Variants in NLGN1 observed in about 807,000 individuals in gnomAD.
The protein encoded by NLGN1 is neuroligin 1, also known as neuroligin-1.
NLGN1 carries 12 observed loss-of-function variants against 65.5 expected under a neutral mutation model. That is an observed-to-expected ratio of 0.18 (90% CI 0.12 to 0.30). The LOEUF is 0.30. Among genes scored for constraint, NLGN1 ranks in the 10% least tolerant of loss-of-function variants. The pLI, the probability that NLGN1 is intolerant of heterozygous loss-of-function variation, is 1.00. For missense variants in NLGN1, 750 were observed against 1,007.1 expected, an observed-to-expected ratio of 0.74 and a Z score of 3.46; for synonymous variants, 350 against 359.5, an observed-to-expected ratio of 0.97 and a Z score of 0.30.
At chr3:173,519,718 T>A (rs1358487504) in intron 2 of NLGN1, among the ~76,000 whole-genome samples, 3 of 152,208 alleles carry the variant, frequency 2.0e-5, no homozygotes, top group Admixed American at 6.5e-5. Flanking sequence ...TTTTTTTTTT[T>A]TTTATTTTAC....
intron 3 of NLGN1, among the ~76,000 whole-genome samples, chr3:173,757,197 A>C (rs1002182638): frequency 3.9e-5 from 6 of 152,036 alleles, no homozygotes; most frequent in South Asian, 2.1e-4. Context: ...TGATGAATGA[A>C]ACCATTGGAT....
intron 3 of NLGN1, among the ~76,000 whole-genome samples, chr3:173,764,147 C>T (rs1778410116): frequency 6.6e-6 from 1 of 152,154 alleles, no homozygotes; most frequent in Non-Finnish European, 1.5e-5. Flanking sequence ...CTGTACACTT[C>T]ATGATGGAGA....
intron 4 of NLGN1, among the ~76,000 whole-genome samples, chr3:174,001,876 A>G (rs1723359400): frequency 6.6e-6 from 1 of 152,064 alleles, no homozygotes; most frequent in African/African-American, 2.4e-5. Flanking sequence ...ACATCTTATA[A>G]TGTACAGAAT....
At chr3:173,790,486 C>T (rs911732237) in intron 3 of NLGN1, among the ~76,000 whole-genome samples, 59 of 152,154 alleles carry the variant, frequency 3.9e-4, no homozygotes, top group African/African-American at 1.4e-3. Flanking sequence ...AGGTATTTCA[C>T]GTTTAGAATA....
intron 4 of NLGN1, among the ~76,000 whole-genome samples, chr3:173,810,251 T>G (rs892641376): frequency 6.6e-6 from 1 of 152,182 alleles, no homozygotes; most frequent in African/African-American, 2.4e-5. Flanking sequence ...GATCAACAGC[T>G]CATCGGACAG....
chr3:173,563,881 C>T (rs948212778), intron 2 of NLGN1, among the ~76,000 whole-genome samples: 3 of 152,232 alleles, frequency 2.0e-5, no homozygotes, highest in African/African-American at 7.2e-5. Context: ...AGTTTCTACA[C>T]AGTAGCCAAA....
Position 173,691,188 on chromosome 3 carries a change from G to C in NLGN1, c.493+86097G>C, listed in dbSNP as rs1474220743. 3.9e-5 allele frequency among the ~76,000 whole-genome samples: 6 copies of C among 152,000 alleles called. No individual in the cohort carries two copies. In the East Asian group the frequency reaches 1.2e-3, roughly 29 times the overall value. On this transcript the variant is annotated intron_variant, in intron 3 of 6. Coordinates refer to ENST00000457714, the Ensembl canonical transcript of NLGN1. The stretch of plus-strand genomic sequence containing the variant: ...CCTACTCCTGTCCTTTGCTCATGCT[G>C]TTTTCCCATCTGGAAGATTTCCTTT...
At chr3:174,232,670 C>G (rs917832412) in intron 4 of NLGN1, among the ~76,000 whole-genome samples, 1 of 151,982 alleles carries the variant, frequency 6.6e-6, no homozygotes, top group Non-Finnish European at 1.5e-5. Context: ...AATGGCAAGA[C>G]AGGTTGAAAG....
intron 2 of NLGN1, among the ~76,000 whole-genome samples, chr3:173,571,361 T>C (rs1197207506): frequency 6.6e-6 from 1 of 152,226 alleles, no homozygotes; most frequent in African/African-American, 2.4e-5. Flanking sequence ...AAGGAAAATA[T>C]TACCTACGCT....
chr3:173,789,718 A>G (rs1712217675), intron 3 of NLGN1: 1 of 416,626 alleles, frequency 2.4e-6, no homozygotes, highest in South Asian at 1.8e-5. Context: ...TGTGGGAGCA[A>G]CTGACTCACA....
At chr3:174,023,931 G>A (rs1728287808) in intron 4 of NLGN1, among the ~76,000 whole-genome samples, 2 of 152,068 alleles carry the variant, frequency 1.3e-5, no homozygotes, top group Admixed American at 1.3e-4. Flanking sequence ...TTTGTTCAGT[G>A]CATCTCCCTA....
At chr3:173,922,879 T>C (rs1410866216) in intron 4 of NLGN1, among the ~76,000 whole-genome samples, 2 of 152,250 alleles carry the variant, frequency 1.3e-5, no homozygotes, top group East Asian at 3.9e-4. Context: ...AACTCTTTAT[T>C]CTTCAGTTTC....
intron 4 of NLGN1, among the ~76,000 whole-genome samples, chr3:173,841,262 T>G (rs59194993): frequency 0.047 from 7,215 of 152,188 alleles, 399 homozygotes; most frequent in East Asian, 0.18. Flanking sequence ...TTTATACATT[T>G]TCCCCAAATA....
chr3:173,945,466 G>T (rs1746972344), intron 4 of NLGN1, among the ~76,000 whole-genome samples: 2 of 152,060 alleles, frequency 1.3e-5, no homozygotes, highest in Non-Finnish European at 2.9e-5. Flanking sequence ...GTATTCAGCT[G>T]CCAACCCATG....
intron 4 of NLGN1, among the ~76,000 whole-genome samples, chr3:173,844,924 C>T (rs1003987983): frequency 6.6e-6 from 1 of 152,168 alleles, no homozygotes; most frequent in African/African-American, 2.4e-5. Context: ...AAAATTCTGA[C>T]ATGTGAATGA....
intron 4 of NLGN1, among the ~76,000 whole-genome samples, chr3:173,923,904 A>G (rs535964676): frequency 7.5e-4 from 114 of 152,260 alleles, no homozygotes; most frequent in African/African-American, 2.6e-3. Context: ...ACTTGGAAAA[A>G]GTTCAAATAA....
intron 4 of NLGN1, among the ~76,000 whole-genome samples, chr3:173,974,893 A>G (rs1266466830): frequency 6.6e-6 from 1 of 152,128 alleles, no homozygotes; most frequent in Non-Finnish European, 1.5e-5. Flanking sequence ...GTCATAAATC[A>G]TAAATATTAG....
chr3:173,645,644 T>C (rs1006613120), intron 3 of NLGN1, among the ~76,000 whole-genome samples: 7 of 152,172 alleles, frequency 4.6e-5, no homozygotes, highest in South Asian at 4.1e-4. Context: ...AAATCAGAGT[T>C]CTCAGTCACT....
intron 4 of NLGN1, among the ~76,000 whole-genome samples, chr3:174,154,986 T>TAATATA (rs1561175098): frequency 0.033 from 2,359 of 70,706 alleles, 49 homozygotes; most frequent in Middle Eastern, 0.11. Context: ...TATATTATAT[T>TAATATA]ATATATTATA....
Sources: gnomAD v4.1 joint callset for allele counts (sites outside exome capture counted in the v4.1 genomes callset) on GRCh38, gnomAD v4.1.1 for gene constraint, MANE v1.5 for transcripts, NCBI Gene and HGNC (gene_info 2026-07-23, HGNC 2026-07-21) for gene names.